Variants in TMEM253 observed in about 807,000 individuals in gnomAD.
TMEM253 encodes transmembrane protein C14orf176.
In TMEM253, 22 loss-of-function variants were observed where a neutral mutation model predicts 20.3. That is an observed-to-expected ratio of 1.08 (90% confidence interval 0.78 to 1.55). The LOEUF (loss-of-function observed/expected upper bound fraction) is 1.55. Among genes scored for constraint, TMEM253 ranks in the 40% most tolerant of loss-of-function variants. The pLI is 0.00. For missense variants in TMEM253, 251 were observed against 266.1 expected (o/e 0.94, Z 0.39); for synonymous variants, 92 against 102.6 (o/e 0.90, Z 0.62).
At chr14:21,103,197 C>T (rs1461587150) in exon 7 of TMEM253, 2 of 1,551,576 alleles carry the variant, frequency 1.3e-6, no homozygotes, top group Admixed American at 3.9e-5. Flanking sequence ...GTGGCCAGCA[C>T]AGGAGCAAAT....
chr14:21,098,979 T>G (rs1889481091), upstream of TMEM253: 2 of 553,804 alleles, frequency 3.6e-6, no homozygotes, highest in Admixed American at 4.4e-5. Flanking sequence ...TAAGAAACAT[T>G]ATTAAAGTTA....
chr14:21,101,378 GAC>G lies in TMEM253; in HGVS notation c.39_40del (p.His13GlnfsTer46), dbSNP rs779558296. ...AGAGCTGGTGAGCAAGAGCAGGAGA[GAC>G]ACAGCCTTCGTCTGGAAAAGCTACA... On this transcript the variant is annotated frameshift_variant, in exon 2 of 7. Transcript: ENST00000556585. LOFTEE classifies it high-confidence loss of function. The G allele has an allele frequency of 3.2e-6, 5 of 1,551,688 alleles. No individual in the cohort carries two copies. The South Asian group carries it at 5.9e-5, about 18-fold the overall frequency.
At chr14:21,101,927 C>T (rs1222952246) in exon 3 of TMEM253, 1 of 1,551,674 alleles carries the variant, frequency 6.4e-7, no homozygotes. Flanking sequence ...CCTGCCTGAA[C>T]TCTGATTGTC....
In TMEM253 at chr14:21,102,000, G is replaced by A. The variant is rs1195404218; in HGVS notation, c.219+25G>A. 6.4e-6 allele frequency: 10 copies of A among 1,550,670 alleles called. No individual in the cohort carries two copies. The Admixed American group carries it at 7.9e-5, about 12-fold the overall frequency. Reference sequence around the variant, plus strand: ...AGTAAGACCCACCACAAGGGAGGGTGGAAGGTCCCAGGGCCCCTTCCTAAC... The same window carrying A: ...AGTAAGACCCACCACAAGGGAGGGTAGAAGGTCCCAGGGCCCCTTCCTAAC... On this transcript the variant is annotated intron_variant, in intron 3 of 6. Coordinates refer to ENST00000556585, the Ensembl canonical transcript of TMEM253.
At chr14:21,101,422 A>T (rs1256864196) in exon 2 of TMEM253, 1 of 1,551,584 alleles carries the variant, frequency 6.4e-7, no homozygotes, top group African/African-American at 1.4e-5. Context: ...GGCAAGGCAC[A>T]GGCAGAGTGG....
intron 4 of TMEM253, 41 bp downstream of exon 4, chr14:21,102,161 A>G (rs1889682599): frequency 6.5e-7 from 1 of 1,532,960 alleles, no homozygotes; most frequent in Admixed American, 2.0e-5. Context: ...CCCACTCCCT[A>G]AAACAGACAC....
chr14:21,099,845 T>C (rs1332629268), upstream of TMEM253, among the ~76,000 whole-genome samples: 1 of 152,182 alleles, frequency 6.6e-6, no homozygotes, highest in Non-Finnish European at 1.5e-5. Context: ...TTTTGATCTA[T>C]AGAGTATATT....
At position 21,102,950 on chromosome 14, in the gene TMEM253, G is replaced by C. The variant is rs1889740567; in HGVS notation, c.534+171G>C. 5 of 1,345,970 alleles carry C rather than the reference G, an allele frequency of 3.7e-6. No individual in the cohort carries two copies. The East Asian group carries it at 1.3e-4, about 34-fold the overall frequency. The allele number at this position is 1,345,970 out of a possible 1,614,324, so 83.4% of individuals were successfully genotyped here. On this transcript the variant is annotated intron_variant, in intron 6 of 6. Coordinates refer to ENST00000556585, the Ensembl canonical transcript of TMEM253. The stretch of plus-strand genomic sequence containing the variant: ...CTTTGAACATTTCTCCCCTAATGGT[G>C]GGTAAGAGGAAACTGGGAATCCAAA...
At position 21,103,308 on chromosome 14, in the gene TMEM253, C is replaced by G. The variant is rs1029832344; in HGVS notation, c.*50C>G. ...CATCCCACCCCACCAAACTCAGAAGCTTGCTGGGATCCTTCGAGTCCAATA... is the reference window on the plus strand; with the variant it reads ...CATCCCACCCCACCAAACTCAGAAGGTTGCTGGGATCCTTCGAGTCCAATA... On this transcript the variant is annotated 3_prime_UTR_variant, in exon 7 of 7. Transcript: ENST00000556585. 10 of 1,529,286 alleles carry G rather than the reference C, an allele frequency of 6.5e-6. No homozygotes were observed. The South Asian group carries it at 1.2e-4, about 19-fold the overall frequency. The allele number at this position is 1,529,286 out of a possible 1,614,324, so 94.7% of individuals were successfully genotyped here. A position where few individuals can be genotyped will look rare whatever the true frequency, so the allele number is the denominator to read the frequency against.
Position 21,101,329 on chromosome 14 carries a change from G to A in TMEM253, c.-15G>A. On this transcript the variant is annotated 5_prime_UTR_variant, in exon 2 of 7. It adds an upstream start codon to the 5' untranslated region. Transcript: ENST00000556585. ...CCAGCCTAGGAAGCACCTAATTCTT[G>A]TGGGCAAAGGAGCCATGGAAGATAG... 6.4e-7 allele frequency: 1 copy of A among 1,551,036 alleles called. No individual in the cohort carries two copies. The highest frequency in any genetic ancestry group is 1.2e-5 in the South Asian group (1 of 84,012).
chr14:21,103,502 C>T, exon 7 of TMEM253: 1 of 542,242 alleles, frequency 1.8e-6, no homozygotes, highest in Non-Finnish European at 3.1e-6. Context: ...CCCCATACAG[C>T]TTCACATTTG....
In TMEM253 at chr14:21,101,353, A is replaced by T. The variant is rs1211445890; in HGVS notation, c.10A>T (p.Arg4Ter). 1 of 1,551,252 alleles carries T rather than the reference A, an allele frequency of 6.4e-7. No homozygotes were observed. Among genetic ancestry groups the T allele is most frequent in the African/African-American group, 1.4e-5 (1 of 73,048 alleles). ...TGTGGGCAAAGGAGCCATGGAAGAT[A>T]GAGCTGGTGAGCAAGAGCAGGAGAG... Residue 4 changes from arginine (R) to a stop codon, truncating the protein, a stop_gained, in exon 2 of 7, where the codon AGA (arginine) becomes TGA (stop). Coordinates refer to ENST00000556585, the Ensembl canonical transcript of TMEM253. LOFTEE classifies it high-confidence loss of function.
At chr14:21,098,864 G>C (rs1354512226), upstream of TMEM253, 3 of 1,285,878 alleles carry the variant, frequency 2.3e-6, no homozygotes, top group Non-Finnish European at 3.0e-6. Flanking sequence ...ACAGACTCGG[G>C]AAGTTCTTCC....
chr14:21,100,212 A>G (rs1173175545), upstream of TMEM253, among the ~76,000 whole-genome samples: 1 of 152,078 alleles, frequency 6.6e-6, no homozygotes, highest in African/African-American at 2.4e-5. Flanking sequence ...CAAAAAATTT[A>G]AAAATTAGCC....
At chr14:21,101,135 C>A in exon 1 of TMEM253, 1 of 474,684 alleles carries the variant, frequency 2.1e-6, no homozygotes, top group South Asian at 2.1e-5. Context: ...CCTTAGGAGA[C>A]CTAGGACCCA....
At chr14:21,099,569 T>C (rs1011359153), upstream of TMEM253, among the ~76,000 whole-genome samples, 1 of 152,216 alleles carries the variant, frequency 6.6e-6, no homozygotes, top group Non-Finnish European at 1.5e-5. Flanking sequence ...AAAGATCACT[T>C]GCCTCCCAGG....
chr14:21,102,941 C>A, intron 6 of TMEM253, 162 bp downstream of exon 6: 2 of 1,354,928 alleles, frequency 1.5e-6, no homozygotes, highest in South Asian at 1.4e-5. Context: ...ACATTTCTCC[C>A]CTAATGGTGG....
exon 7 of TMEM253, chr14:21,103,413 G>A: frequency 7.9e-7 from 1 of 1,264,362 alleles, no homozygotes; most frequent in East Asian, 2.6e-5. Context: ...AGATACACCT[G>A]GACGAGAATA....
intron 2 of TMEM253, 50 bp downstream of exon 2, chr14:21,101,501 A>C: frequency 6.8e-7 from 1 of 1,478,672 alleles, no homozygotes; most frequent in Non-Finnish European, 9.2e-7. Context: ...ACTTCTACCC[A>C]ATTCAATTCC....
Sources: allele counts gnomAD v4.1 joint callset (sites outside exome capture counted in the v4.1 genomes callset), GRCh38; gene constraint gnomAD v4.1.1; transcripts MANE v1.5; gene names NCBI Gene and HGNC (gene_info 2026-07-23, HGNC 2026-07-21).